OCA2: variants seen among roughly 807,000 people sequenced by gnomAD.
The protein encoded by OCA2 is OCA2 melanosomal transmembrane protein, also known as P protein.
In OCA2, 77 loss-of-function variants were observed where a neutral mutation model predicts 100.2. The observed-to-expected ratio is 0.77, with a 90% CI of 0.64 to 0.93. The LOEUF is 0.93. Among genes scored for constraint, OCA2 ranks in the 40% least tolerant of loss-of-function variants. The pLI, the probability that OCA2 is intolerant of heterozygous loss-of-function variation, is 0.00. For synonymous variants in OCA2, 432 were observed against 439.2 expected (o/e 0.98, Z 0.21); for missense variants, 1,062 against 1,089.1 (o/e 0.98, Z 0.35).
In OCA2 at chr15:28,069,926, C is replaced by T. The variant is rs1228308878; in HGVS notation, c.227+11722G>A. Among the ~76,000 whole-genome samples, 204 of 123,512 alleles carry T rather than the reference C, an allele frequency of 1.7e-3. 2 individuals carry two copies. Among genetic ancestry groups the T allele is most frequent in the Non-Finnish European group, 2.8e-3 (186 of 66,316 alleles). The allele number at this position is 123,512 out of a possible 152,430, so 81.0% of individuals were successfully genotyped here. ...CAGTCTGGAAAGTAAGGAGCATCTC[C>T]GCCCGGCCGCCATCCCATCTAGGAA... On this transcript the variant is annotated intron_variant, in intron 2 of 23. Coordinates refer to ENST00000354638, the MANE Select transcript of OCA2 (RefSeq NM_000275.3).
intron 2 of OCA2, among the ~76,000 whole-genome samples, chr15:28,071,941 C>T (rs2044272613): frequency 6.6e-6 from 1 of 152,174 alleles, no homozygotes; most frequent in South Asian, 2.1e-4. Context: ...AGAGCTTCTG[C>T]ACAGCAAAAT....
chr15:27,853,529 T>C (rs1298007249), intron 21 of OCA2, among the ~76,000 whole-genome samples: 1 of 149,978 alleles, frequency 6.7e-6, no homozygotes, highest in East Asian at 2.0e-4. Context: ...CATATGTAAC[T>C]AACCTGCACA....
At chr15:27,887,617 C>CT (rs34199755) in intron 19 of OCA2, among the ~76,000 whole-genome samples, 22,781 of 120,102 alleles carry the variant, frequency 0.19, 2,543 homozygotes, top group Non-Finnish European at 0.26. Context: ...CACTAAACCT[C>CT]TTTTTTTTTT....
chr15:27,964,537 G>A (rs562246608), intron 15 of OCA2, among the ~76,000 whole-genome samples: 9 of 152,280 alleles, frequency 5.9e-5, no homozygotes, highest in East Asian at 1.9e-4. Flanking sequence ...AAGGCTAGCC[G>A]CTCAGGACTC....
intron 21 of OCA2, among the ~76,000 whole-genome samples, chr15:27,860,732 G>A (rs747901424): frequency 1.3e-5 from 2 of 152,098 alleles, no homozygotes; most frequent in Non-Finnish European, 2.9e-5. Context: ...CCATGTTTTC[G>A]CTACTGTGAG....
At chr15:27,838,817 T>C (rs930057644) in intron 23 of OCA2, among the ~76,000 whole-genome samples, 5 of 152,106 alleles carry the variant, frequency 3.3e-5, no homozygotes, top group Non-Finnish European at 7.4e-5. Flanking sequence ...GTTAAGGATG[T>C]AGAACGCAGC....
chr15:27,985,336 C>A, intron 12 of OCA2, 148 bp from the exon 13 acceptor site: 1 of 911,464 alleles, frequency 1.1e-6, no homozygotes, highest in Middle Eastern at 2.1e-4. Flanking sequence ...CCTAGGGGGG[C>A]CGAGATGAGA....
intron 17 of OCA2, among the ~76,000 whole-genome samples, chr15:27,952,902 T>A (rs925431453): frequency 7.9e-5 from 12 of 152,014 alleles, no homozygotes; most frequent in Non-Finnish European, 1.5e-4. Context: ...AGGCTGGTGT[T>A]GAACTCCTGG....
intron 18 of OCA2, among the ~76,000 whole-genome samples, chr15:27,950,318 C>T (rs535074516): frequency 6.6e-6 from 1 of 152,234 alleles, no homozygotes; most frequent in African/African-American, 2.4e-5. Flanking sequence ...TGTTTAATTA[C>T]CAGTGGTGAC....
intron 19 of OCA2, among the ~76,000 whole-genome samples, chr15:27,877,620 C>T (rs1179158851): frequency 6.6e-6 from 1 of 151,838 alleles, no homozygotes; most frequent in Non-Finnish European, 1.5e-5. Flanking sequence ...CCACTTTGGC[C>T]TTTTATGCTT....
At chr15:27,844,762 A>G (rs1211505546) in intron 23 of OCA2, among the ~76,000 whole-genome samples, 197 bp downstream of exon 23, 1 of 152,024 alleles carries the variant, frequency 6.6e-6, no homozygotes, top group East Asian at 1.9e-4. Flanking sequence ...CGCCCTCCCA[A>G]AGTGCTAGGA....
Position 28,018,545 on chromosome 15 carries a change from C to G in OCA2, c.659G>C (p.Ser220Thr). 1.9e-6 allele frequency: 3 copies of G among 1,613,380 alleles called. No homozygotes were observed. The highest frequency in any genetic ancestry group is 2.5e-6 in the Non-Finnish European group (3 of 1,179,946). Residue 220 changes from serine to threonine, a missense_variant, in exon 7 of 24, where the codon AGC (serine) becomes ACC (threonine). Transcript: ENST00000354638. ...CAGCAGCGTGGAGTCCACGTGGCTG[C>G]TAAGGTTCACGGCTCGGAGAGTGTC... ...SPLENYSVNL[S>T]SHVDSTLLQV... is the part of the protein sequence containing the mutation.
chr15:28,047,011 A>C (rs1173826008), intron 2 of OCA2, among the ~76,000 whole-genome samples: 3 of 151,476 alleles, frequency 2.0e-5, no homozygotes, highest in African/African-American at 2.4e-5. Flanking sequence ...AGATCACTGG[A>C]CTCCCCTCTC....
At chr15:27,815,321 G>A (rs1055584600) in intron 23 of OCA2, among the ~76,000 whole-genome samples, 4 of 152,188 alleles carry the variant, frequency 2.6e-5, no homozygotes, top group South Asian at 2.1e-4. Context: ...CTTGGTGCCT[G>A]TGCCCAGACG....
chr15:27,980,858 T>C (rs1207490225), intron 14 of OCA2, among the ~76,000 whole-genome samples: 1 of 152,254 alleles, frequency 6.6e-6, no homozygotes, highest in South Asian at 2.1e-4. Context: ...TACTGTAGTA[T>C]TCTACGTGTT....
chr15:27,970,555 G>A (rs575031515), intron 14 of OCA2, among the ~76,000 whole-genome samples: 2 of 151,720 alleles, frequency 1.3e-5, no homozygotes, highest in South Asian at 2.1e-4. Context: ...GTCCCAGCAC[G>A]CACAGCATGA....
At chr15:27,879,820 T>C (rs11855768) in intron 19 of OCA2, among the ~76,000 whole-genome samples, 1,765 of 152,302 alleles carry the variant, frequency 0.012, 28 homozygotes, top group African/African-American at 0.036. Context: ...ATTCTGATGT[T>C]AGTTTCTTTT....
intron 2 of OCA2, among the ~76,000 whole-genome samples, chr15:28,080,858 A>G (rs1273363827): frequency 3.3e-5 from 5 of 152,268 alleles, no homozygotes; most frequent in Non-Finnish European, 7.3e-5. Context: ...AAGCATTGAC[A>G]TGTAAAAACC....
At chr15:28,073,706 A>C (rs6497261) in intron 2 of OCA2, among the ~76,000 whole-genome samples, 13,419 of 152,250 alleles carry the variant, frequency 0.088, 1,792 homozygotes, top group African/African-American at 0.29. Flanking sequence ...ATCACATAAT[A>C]TTCTCATGTA....
Sources: gnomAD v4.1 joint callset for allele counts (sites outside exome capture counted in the v4.1 genomes callset) on GRCh38, gnomAD v4.1.1 for gene constraint, MANE v1.5 for transcripts, NCBI Gene and HGNC (gene_info 2026-07-23, HGNC 2026-07-21) for gene names.